HLCS: variants seen among roughly 807,000 people sequenced by gnomAD.
HLCS encodes the protein biotin--protein ligase.
HLCS carries 53 observed loss-of-function variants against 75.0 expected under a neutral mutation model. The observed-to-expected ratio is 0.71, with a 90% CI of 0.57 to 0.89. The LOEUF (loss-of-function observed/expected upper bound fraction) is 0.89. HLCS is among the 40% of genes least tolerant of loss of function. The probability of loss-of-function intolerance (pLI) is 0.00; values close to 1 mark genes in which losing one functional copy is unlikely to be tolerated. For missense variants in HLCS, 966 were observed against 1,074.0 expected (o/e 0.90, Z 1.41); for synonymous variants, 431 against 428.6 (o/e 1.01, Z -0.07).
intron 6 of HLCS, among the ~76,000 whole-genome samples, chr21:36,774,082 C>T (rs946644915): frequency 6.6e-6 from 1 of 152,074 alleles, no homozygotes; most frequent in Non-Finnish European, 1.5e-5. Context: ...AAAACGCCTC[C>T]ACCGTAAAAT....
chr21:36,797,762 G>A (rs1236332410), intron 6 of HLCS, among the ~76,000 whole-genome samples: 1 of 152,168 alleles, frequency 6.6e-6, no homozygotes, highest in African/African-American at 2.4e-5. Flanking sequence ...AACTTGGTGG[G>A]CACACACGGT....
At chr21:36,803,787 ATTTGCTATCAAAC>A (rs2061283237) in intron 6 of HLCS, among the ~76,000 whole-genome samples, 1 of 149,320 alleles carries the variant, frequency 6.7e-6, no homozygotes, top group Non-Finnish European at 1.5e-5. Flanking sequence ...ACAGGAATGG[ATTTGCTATCAAAC>A]ATCCATTTCA....
chr21:36,909,421 A>G (rs973346200), intron 5 of HLCS, among the ~76,000 whole-genome samples: 2 of 152,210 alleles, frequency 1.3e-5, no homozygotes, highest in African/African-American at 4.8e-5. Context: ...CTCCATATTC[A>G]CTAACGTCCA....
chr21:36,829,909 A>G (rs151016980), intron 6 of HLCS, among the ~76,000 whole-genome samples: 5 of 152,318 alleles, frequency 3.3e-5, no homozygotes, highest in African/African-American at 1.2e-4. Flanking sequence ...CCGGCTGCAC[A>G]TGCACAGGGT....
chr21:36,790,403 AAAAC>A lies in HLCS; in HGVS notation c.1893-23122_1893-23119del, dbSNP rs367981758. On this transcript the variant is annotated intron_variant, in intron 6 of 10. Coordinates refer to ENST00000674895, the MANE Select transcript of HLCS (RefSeq NM_001352514.2). ...TGGCGATGGAGTGGGACCCCATCTCAAAACAAACAAACAAACAAACAAAAAAACA... is the reference window on the plus strand; with the variant it reads ...TGGCGATGGAGTGGGACCCCATCTCAAAACAAACAAACAAACAAAAAAACA... 5.0e-3 allele frequency among the ~76,000 whole-genome samples: 767 copies of A among 152,190 alleles called. 8 individuals carry two copies. Among genetic ancestry groups the A allele is most frequent in the African/African-American group, 0.017 (725 of 41,504 alleles).
intron 6 of HLCS, among the ~76,000 whole-genome samples, chr21:36,833,683 C>T: frequency 6.7e-6 from 1 of 149,346 alleles, no homozygotes; most frequent in Non-Finnish European, 1.5e-5. Context: ...TGTGGAAATA[C>T]CTCAAATAAA....
At chr21:36,797,848 G>T (rs1183463079) in intron 6 of HLCS, among the ~76,000 whole-genome samples, 1 of 152,196 alleles carries the variant, frequency 6.6e-6, no homozygotes, top group Admixed American at 6.5e-5. Flanking sequence ...CTGGTTTATT[G>T]AGCATTTACT....
rs530530634 is a variant in HLCS, at chr21:36,848,525, TC to T, written c.1892+48334del. Among the ~76,000 whole-genome samples the T allele has an allele frequency of 1.3e-3, 194 of 152,174 alleles. 2 individuals carry two copies. Among genetic ancestry groups the T allele is most frequent in the Non-Finnish European group, 1.9e-3 (126 of 67,998 alleles). ...CTCAAACGATCTGCCTGCCTCAGCC[TC>T]CAAAGTGCTGGGATTACAGGCTTGA... On this transcript the variant is annotated intron_variant, in intron 6 of 10. Transcript: ENST00000674895.
At chr21:36,760,233 G>A (rs929034464) in intron 8 of HLCS, among the ~76,000 whole-genome samples, 8 of 152,252 alleles carry the variant, frequency 5.3e-5, no homozygotes, top group African/African-American at 1.2e-4. Context: ...CTCAGGGGGC[G>A]TCTCCCTTCA....
rs59079731 is a variant in HLCS, at chr21:36,848,271, G to GTT, written c.1892+48587_1892+48588dup. ...CCATAACTTTGCCCACATAATTGTTGTTTTTTTTTTTTTTTTGAAACAGAG... is the reference window on the plus strand; with the variant it reads ...CCATAACTTTGCCCACATAATTGTTGTTTTTTTTTTTTTTTTTTGAAACAGAG... On this transcript the variant is annotated intron_variant, in intron 6 of 10. Transcript: ENST00000674895. Among the ~76,000 whole-genome samples the GTT allele has an allele frequency of 5.0e-3, 694 of 138,546 alleles. 7 individuals are homozygous for GTT. Among genetic ancestry groups the GTT allele is most frequent in the African/African-American group, 0.016 (612 of 37,808 alleles). 90.9% of individuals were successfully genotyped at this position (138,546 alleles called of 152,430 possible). A position where few individuals can be genotyped will look rare whatever the true frequency, so the allele number is the denominator to read the frequency against.
chr21:36,936,608 C>T lies in HLCS; in HGVS notation c.1278G>A (p.Glu426=), dbSNP rs548505968. Residue 426 remains glutamate, a synonymous_variant, in exon 4 of 11, where the codon GAG becomes GAA. Coordinates refer to ENST00000674895, the MANE Select transcript of HLCS (RefSeq NM_001352514.2). ...NLVFSKADQS[E]VKLSVLSSGC... ...CACTGCTCAAGACGCTGAGCTTCAC[C>T]TCGCTCTGGTCAGCCTTGGAGAAAA... is the stretch of plus-strand genomic sequence containing the variant. 5.3e-5 allele frequency: 85 copies of T among 1,614,232 alleles called. 1 individual carries two copies. The East Asian group carries it at 1.6e-3, about 30-fold the overall frequency.
chr21:36,927,856 C>A (rs2066473573), intron 5 of HLCS, among the ~76,000 whole-genome samples: 1 of 152,142 alleles, frequency 6.6e-6, no homozygotes, highest in Admixed American at 6.5e-5. Context: ...TCTTGCAGGG[C>A]ACAGGAAGCA....
intron 6 of HLCS, among the ~76,000 whole-genome samples, chr21:36,864,652 C>T (rs569866790): frequency 1.8e-4 from 28 of 152,076 alleles, no homozygotes; most frequent in Non-Finnish European, 3.2e-4. Context: ...CAGAATGGAT[C>T]AAAATATAAA....
chr21:36,966,246 G>A (rs1244832999), intron 1 of HLCS, among the ~76,000 whole-genome samples, 198 bp downstream of exon 1: 1 of 152,190 alleles, frequency 6.6e-6, no homozygotes, highest in East Asian at 1.9e-4. Flanking sequence ...AGAGGCGACC[G>A]GGTCCGTGGT....
intron 10 of HLCS, among the ~76,000 whole-genome samples, chr21:36,756,024 A>G (rs2054341557): frequency 6.6e-6 from 1 of 152,214 alleles, no homozygotes; most frequent in South Asian, 2.1e-4. Flanking sequence ...CAGGAGGCAT[A>G]AGATGCCCGT....
At chr21:36,846,335 A>G (rs952444698) in intron 6 of HLCS, among the ~76,000 whole-genome samples, 2 of 152,196 alleles carry the variant, frequency 1.3e-5, no homozygotes, top group African/African-American at 4.8e-5. Context: ...GGTTTCCTAA[A>G]GTTCCTATAC....
At position 36,966,609 on chromosome 21, in the gene HLCS, C is replaced by T; in HGVS notation, c.30G>A (p.Leu10=). The T allele has an allele frequency of 1.0e-6, 1 of 990,674 alleles. No homozygotes were observed. The allele number at this position is 990,674 out of a possible 1,614,324, so 61.4% of individuals were successfully genotyped here. A position where few individuals can be genotyped will look rare whatever the true frequency, so the allele number is the denominator to read the frequency against. The stretch of plus-strand genomic sequence containing the variant: ...CCGGCCGGCGACCCCAGCGCGCCCA[C>T]AGGTACAGGTAGCACAGCGTGATGA... The part of the protein sequence containing the change: MLITLCYLY[L]WARWGRRPAE... The change falls in exon 1 of 11, where the codon CTG becomes CTA. Residue 10 remains leucine, a synonymous_variant. Transcript: ENST00000674895.
chr21:36,794,040 A>C (rs754604023), intron 6 of HLCS, among the ~76,000 whole-genome samples: 5 of 152,250 alleles, frequency 3.3e-5, no homozygotes, highest in African/African-American at 1.2e-4. Flanking sequence ...AGGACGAGCT[A>C]CGGGTGTGAC....
chr21:36,792,122 T>A (rs999141320), intron 6 of HLCS, among the ~76,000 whole-genome samples: 1 of 152,008 alleles, frequency 6.6e-6, no homozygotes, highest in African/African-American at 2.4e-5. Context: ...AAAGACCATC[T>A]CAGCACCGGG....
Sources: allele counts gnomAD v4.1 joint callset (sites outside exome capture counted in the v4.1 genomes callset), GRCh38; gene constraint gnomAD v4.1.1; transcripts MANE v1.5; gene names NCBI Gene and HGNC (gene_info 2026-07-23, HGNC 2026-07-21).